The following RYR3 variants were observed in gnomAD, a reference collection of about 807,000 sequenced individuals.
RYR3 encodes the protein brain ryanodine receptor-calcium release channel.
In RYR3, 207 loss-of-function variants were observed where a neutral mutation model predicts 584.3. That is an observed-to-expected ratio of 0.35 (90% confidence interval 0.32 to 0.40). The LOEUF (loss-of-function observed/expected upper bound fraction) is 0.40. Among genes scored for constraint, RYR3 ranks in the 10% least tolerant of loss-of-function variants. The pLI, the probability that RYR3 is intolerant of heterozygous loss-of-function variation, is 1.00. For synonymous variants in RYR3, 2,416 were observed against 2,248.5 expected (o/e 1.07, Z -2.11); for missense variants, 5,616 against 6,089.2 (o/e 0.92, Z 2.59).
Position 33,826,793 on chromosome 15 carries a change from C to T in RYR3, c.11245+41C>T, listed in dbSNP as rs1567256558. On this transcript the variant is annotated intron_variant, in intron 84 of 103. Coordinates refer to ENST00000634891, the MANE Select transcript of RYR3 (RefSeq NM_001036.6). ...TGATCTGCCAAGGAAACACAGCACT[C>T]GGGCAAAACTAGAATTCCGTTCAGT... The T allele has an allele frequency of 4.7e-6, 7 of 1,503,532 alleles. No individual in the cohort carries two copies. In the African/African-American group the frequency reaches 5.6e-5, roughly 12 times the overall value. 93.1% of individuals were successfully genotyped at this position (1,503,532 alleles called of 1,614,324 possible). A position where few individuals can be genotyped will look rare whatever the true frequency, so the allele number is the denominator to read the frequency against.
intron 38 of RYR3, among the ~76,000 whole-genome samples, chr15:33,695,140 T>C (rs2076954): frequency 0.57 from 87,213 of 152,078 alleles, 28,161 homozygotes; most frequent in East Asian, 0.72. Flanking sequence ...ATTAAGGATC[T>C]TCCTGCCATC....
chr15:33,648,957 AG>A, intron 30 of RYR3, 114 bp from the exon 31 acceptor site: 1 of 1,022,680 alleles, frequency 9.8e-7, no homozygotes, highest in Non-Finnish European at 1.4e-6. Context: ...GCACTTTTCC[AG>A]AAAAAAAAGG....
intron 1 of RYR3, among the ~76,000 whole-genome samples, chr15:33,450,410 A>G (rs2047023365): frequency 6.6e-6 from 1 of 152,138 alleles, no homozygotes; most frequent in South Asian, 2.1e-4. Flanking sequence ...TACACCCTGT[A>G]GCTTTGCAAG....
At position 33,696,416 on chromosome 15, in the gene RYR3, C is replaced by A. The variant is rs758941480; in HGVS notation, c.6059C>A (p.Ala2020Asp). The A allele has an allele frequency of 6.2e-7, 1 of 1,613,900 alleles. No homozygotes were observed. The highest frequency in any genetic ancestry group is 1.1e-5 in the South Asian group (1 of 91,062). The change falls in exon 39 of 104, where the codon GCC becomes GAC. Residue 2020 changes from alanine to aspartate, a missense_variant. Coordinates refer to ENST00000634891, the MANE Select transcript of RYR3 (RefSeq NM_001036.6). ...AGCGACACCATCAACCTGCTGGCTG[C>A]CCTGGGCCAAATCCGCTCCCTCCTC... is the stretch of plus-strand genomic sequence containing the variant. ...SVSDTINLLA[A>D]LGQIRSLLSV... is the part of the protein sequence containing the mutation.
intron 39 of RYR3, among the ~76,000 whole-genome samples, chr15:33,697,243 G>A (rs921428656): frequency 2.6e-5 from 4 of 152,184 alleles, no homozygotes; most frequent in East Asian, 1.9e-4. Context: ...GCACTCATTC[G>A]TCAAACTCAT....
chr15:33,507,028 G>C (rs982124606), intron 3 of RYR3, among the ~76,000 whole-genome samples: 5 of 152,120 alleles, frequency 3.3e-5, no homozygotes, highest in African/African-American at 1.2e-4. Flanking sequence ...AATAGACATT[G>C]CTTTCACTAA....
At chr15:33,668,215 G>T (rs970899753) in intron 36 of RYR3, among the ~76,000 whole-genome samples, 1 of 151,612 alleles carries the variant, frequency 6.6e-6, no homozygotes, top group African/African-American at 2.4e-5. Context: ...TACTCGGGAG[G>T]CTGAGGCAGG....
At chr15:33,710,643 G>A (rs2067042543) in intron 43 of RYR3, among the ~76,000 whole-genome samples, 1 of 152,192 alleles carries the variant, frequency 6.6e-6, no homozygotes. Flanking sequence ...CACACCTGCA[G>A]CAGGATTCTG....
At chr15:33,336,521 G>A (rs1461839490) in intron 1 of RYR3, among the ~76,000 whole-genome samples, 3 of 83,386 alleles carry the variant, frequency 3.6e-5, no homozygotes, top group African/African-American at 1.2e-4. Context: ...AAGGAGGGAA[G>A]GAGGGAAGGA....
At chr15:33,686,799 A>G (rs1248533878) in intron 38 of RYR3, among the ~76,000 whole-genome samples, 1 of 152,256 alleles carries the variant, frequency 6.6e-6, no homozygotes, top group Non-Finnish European at 1.5e-5. Flanking sequence ...TCCATCACAT[A>G]AACAGAACCA....
intron 48 of RYR3, among the ~76,000 whole-genome samples, chr15:33,733,090 C>T (rs1364994217): frequency 6.6e-6 from 1 of 152,232 alleles, no homozygotes; most frequent in Non-Finnish European, 1.5e-5. Context: ...AGAACACTGA[C>T]AACACCAAAT....
rs2064348151 is a variant in RYR3 at position 33,678,539 on chromosome 15, G to GCAATC, written c.5860+7983_5860+7984insCAATC. Among the ~76,000 whole-genome samples the GCAATC allele has an allele frequency of 2.0e-5, 3 of 152,186 alleles. No individual in the cohort carries two copies. The South Asian group carries it at 6.2e-4, about 31-fold the overall frequency. On this transcript the variant is annotated intron_variant, in intron 38 of 103. Transcript: ENST00000634891. ...TTCATAAATTATGCAATCTCAGGTA[G>GCAATC]TTCTTTATAGCAGTGTGAGAATGGA...
intron 2 of RYR3, among the ~76,000 whole-genome samples, chr15:33,495,533 C>A (rs1452879269): frequency 6.6e-6 from 1 of 152,136 alleles, no homozygotes; most frequent in Non-Finnish European, 1.5e-5. Context: ...ATGCCTGGTA[C>A]AATTGTATAG....
chr15:33,727,664 T>C (rs1457766186), intron 46 of RYR3, among the ~76,000 whole-genome samples: 1 of 152,218 alleles, frequency 6.6e-6, no homozygotes, highest in African/African-American at 2.4e-5. Context: ...TCTCTCTGGC[T>C]CTGCTGGAAC....
rs77800016 is a variant in RYR3, at chr15:33,561,086, G to A, written c.973-1751G>A. Among the ~76,000 whole-genome samples the A allele has an allele frequency of 2.2e-3, 338 of 152,340 alleles. 1 individual carries two copies. The highest frequency in any genetic ancestry group is 3.6e-3 in the Non-Finnish European group (245 of 68,016). Reference sequence around the variant, plus strand: ...ATAAGAGTTGAAATGAAAAATAAATGTGAAAGAAAAATTACTCAGCTCTAT... The same window carrying A: ...ATAAGAGTTGAAATGAAAAATAAATATGAAAGAAAAATTACTCAGCTCTAT... On this transcript the variant is annotated intron_variant, in intron 10 of 103. Transcript: ENST00000634891.
At chr15:33,411,914 G>T (rs1483371785) in intron 1 of RYR3, among the ~76,000 whole-genome samples, 1 of 152,148 alleles carries the variant, frequency 6.6e-6, no homozygotes, top group African/African-American at 2.4e-5. Context: ...CTGTGTTTTG[G>T]ATGTTTTCTG....
chr15:33,580,394 CATTTTCAGTAAATTTCAGCTGTGAG>C (rs775847974), intron 13 of RYR3, among the ~76,000 whole-genome samples: 33 of 152,204 alleles, frequency 2.2e-4, no homozygotes, highest in Non-Finnish European at 3.7e-4. Flanking sequence ...ATCAAATATA[CATTTTCAGTAAATTTCAGCTGTGAG>C]AGCATGACAT....
At chr15:33,377,120 A>G (rs10519816) in intron 1 of RYR3, among the ~76,000 whole-genome samples, 24,438 of 152,242 alleles carry the variant, frequency 0.16, 2,277 homozygotes, top group African/African-American at 0.25. Flanking sequence ...CGTAGACAAT[A>G]GGCCCTAACA....
intron 10 of RYR3, among the ~76,000 whole-genome samples, chr15:33,558,869 T>C (rs981551875): frequency 1.3e-5 from 2 of 152,036 alleles, no homozygotes; most frequent in Admixed American, 6.5e-5. Flanking sequence ...CAGGGCCACA[T>C]AGAGAAGTGC....
Sources: gnomAD v4.1 joint callset for allele counts (sites outside exome capture counted in the v4.1 genomes callset) on GRCh38, gnomAD v4.1.1 for gene constraint, MANE v1.5 for transcripts, NCBI Gene and HGNC (gene_info 2026-07-23, HGNC 2026-07-21) for gene names.